The following ZNF280B variants were observed in gnomAD, a reference collection of about 807,000 sequenced individuals.
The protein encoded by ZNF280B is zinc finger protein 280B, also known as suppressor of hairy wing homolog 2.
Under a neutral mutation model 38.0 loss-of-function variants are expected in ZNF280B, and 16 were observed. The observed-to-expected ratio is 0.42, with a 90% CI of 0.28 to 0.64. The LOEUF (loss-of-function observed/expected upper bound fraction) is 0.64, where lower values mean the gene tolerates loss of function less well. Among genes scored for constraint, ZNF280B ranks in the 30% least tolerant of loss-of-function variants. ZNF280B has a pLI of 0.21. For missense variants in ZNF280B, 581 were observed against 639.6 expected, an observed-to-expected ratio of 0.91 and a Z score of 0.99; for synonymous variants, 253 against 230.6, an observed-to-expected ratio of 1.10 and a Z score of -0.88.
In ZNF280B at chr22:22,486,361, T is replaced by G. The variant is rs2061501387; in HGVS notation, c.*1406A>C. 1.4e-5 allele frequency: 2 copies of G among 147,408 alleles called. No individual in the cohort carries two copies. Among genetic ancestry groups the G allele is most frequent in the Non-Finnish European group, 2.9e-5 (2 of 68,004 alleles). 9.1% of individuals were successfully genotyped at this position (147,408 alleles called of 1,614,324 possible). A position where few individuals can be genotyped will look rare whatever the true frequency, so the allele number is the denominator to read the frequency against. On this transcript the variant is annotated 3_prime_UTR_variant, in exon 4 of 4. Coordinates refer to ENST00000626650, the MANE Select transcript of ZNF280B (RefSeq NM_080764.4). Reference sequence around the variant, plus strand: ...GACAGTCCTCATTCCAGCTTAACAGTGGGAAAACTAAATTTAGCCCAGTCC... The same window carrying G: ...GACAGTCCTCATTCCAGCTTAACAGGGGGAAAACTAAATTTAGCCCAGTCC...
In ZNF280B at chr22:22,487,447, T is replaced by TAAAAAAAAAAAAAAAAAAA. The variant is rs71199481; in HGVS notation, c.*301_*319dup. ...TAACAGTGAGACCCTGTCTCTAAAG[T>TAAAAAAAAAAAAAAAAAAA]AAAAAAAAAAAAAAAAAAAAAAAAA... On this transcript the variant is annotated 3_prime_UTR_variant, in exon 4 of 4. Coordinates refer to ENST00000626650, the MANE Select transcript of ZNF280B (RefSeq NM_080764.4). 10 of 66,744 alleles carry TAAAAAAAAAAAAAAAAAAA rather than the reference T, an allele frequency of 1.5e-4. No homozygotes were observed. The highest frequency in any genetic ancestry group is 3.8e-4 in the East Asian group (1 of 2,634). The allele number at this position is 66,744 out of a possible 1,614,324, so 4.1% of individuals were successfully genotyped here.
At chr22:22,507,909 T>G (rs1433339659) in intron 1 of ZNF280B, 39 bp from the exon 2 acceptor site, 2 of 151,956 alleles carry the variant, frequency 1.3e-5, no homozygotes, top group South Asian at 2.1e-4. Flanking sequence ...TACTTACATG[T>G]CACAAGAATA....
chr22:22,494,042 A>G (rs952108986), intron 3 of ZNF280B, 21 bp downstream of exon 3: 1 of 151,800 alleles, frequency 6.6e-6, no homozygotes, highest in East Asian at 2.0e-4. Context: ...TGGCGCCCTT[A>G]TAAGAGGAGA....
At chr22:22,501,680 T>A (rs2061828352) in intron 2 of ZNF280B, among the ~76,000 whole-genome samples, 1 of 151,406 alleles carries the variant, frequency 6.6e-6, no homozygotes, top group African/African-American at 2.4e-5. Context: ...GAGTTGAAGA[T>A]CAGTCCAAGC....
chr22:22,507,552 CTCT>C (rs2061964212), intron 2 of ZNF280B, among the ~76,000 whole-genome samples: 2 of 147,606 alleles, frequency 1.4e-5, no homozygotes, highest in Admixed American at 1.4e-4. Context: ...ATCCCTGATG[CTCT>C]TTTTTTTTTT....
rs2146748856 is a variant in ZNF280B at position 22,487,521 on chromosome 22, C to T, written c.*246G>A. The T allele has an allele frequency of 2.9e-6, 1 of 344,656 alleles. No homozygotes were observed. Among genetic ancestry groups the T allele is most frequent in the Non-Finnish European group, 5.1e-6 (1 of 194,936 alleles). The allele number at this position is 344,656 out of a possible 1,614,324, so 21.3% of individuals were successfully genotyped here. A position where few individuals can be genotyped will look rare whatever the true frequency, so the allele number is the denominator to read the frequency against. On this transcript the variant is annotated 3_prime_UTR_variant, in exon 4 of 4. Transcript: ENST00000626650. ...TTAATACCTTTTTCTCTCTCTCACA[C>T]ACACACACAAACACCTTTTATGTGT...
intron 3 of ZNF280B, among the ~76,000 whole-genome samples, chr22:22,492,872 C>A (rs1248442912): frequency 6.8e-6 from 1 of 146,594 alleles, no homozygotes; most frequent in Non-Finnish European, 1.5e-5. Context: ...GGTGACAGTG[C>A]GAGACTGCAT....
intron 2 of ZNF280B, among the ~76,000 whole-genome samples, chr22:22,502,787 T>C (rs1025589218): frequency 1.3e-4 from 19 of 151,678 alleles, no homozygotes; most frequent in Non-Finnish European, 1.8e-4. Context: ...GAAAGGAATA[T>C]AGCAGGTTTG....
chr22:22,507,513 TA>T (rs1027746968), intron 2 of ZNF280B, among the ~76,000 whole-genome samples: 6 of 151,536 alleles, frequency 4.0e-5, no homozygotes, highest in East Asian at 2.0e-4. Context: ...GAGGGTAGGA[TA>T]AAAGGAGTCA....
chr22:22,496,034 G>T (rs1047213540), intron 2 of ZNF280B, among the ~76,000 whole-genome samples: 1 of 150,020 alleles, frequency 6.7e-6, no homozygotes, highest in African/African-American at 2.5e-5. Flanking sequence ...TCGAACCCCT[G>T]ACCTCAGGTT....
At chr22:22,494,635 T>C (rs570023336) in intron 2 of ZNF280B, among the ~76,000 whole-genome samples, 8 of 152,066 alleles carry the variant, frequency 5.3e-5, no homozygotes, top group South Asian at 4.2e-4. Context: ...GAGAAGCCAA[T>C]AGGAGGGCTT....
At chr22:22,492,267 A>C (rs1335677245) in intron 3 of ZNF280B, among the ~76,000 whole-genome samples, 1 of 151,954 alleles carries the variant, frequency 6.6e-6, no homozygotes, top group African/African-American at 2.4e-5. Flanking sequence ...AAATTGGTTT[A>C]GTCTGTCTAT....
intron 2 of ZNF280B, among the ~76,000 whole-genome samples, chr22:22,501,029 A>AAAAAAC: frequency 9.0e-6 from 1 of 111,218 alleles, no homozygotes; most frequent in East Asian, 3.1e-4. Flanking sequence ...CAAAAAAAAA[A>AAAAAAC]AAAAAAAAAA....
chr22:22,502,546 T>C (rs1458608465), intron 2 of ZNF280B, among the ~76,000 whole-genome samples: 1 of 151,896 alleles, frequency 6.6e-6, no homozygotes, highest in East Asian at 2.0e-4. Context: ...AATTGATAAA[T>C]GAATAAACGA....
chr22:22,497,589 T>C (rs1011387258), intron 2 of ZNF280B, among the ~76,000 whole-genome samples: 6 of 151,760 alleles, frequency 4.0e-5, no homozygotes, highest in Non-Finnish European at 7.4e-5. Context: ...AGAGGGGTTG[T>C]GGAGGACCAC....
At chr22:22,494,316 A>G (rs1195922654) in intron 2 of ZNF280B, 136 bp from the exon 3 acceptor site, 2 of 151,996 alleles carry the variant, frequency 1.3e-5, no homozygotes, top group East Asian at 2.0e-4. Flanking sequence ...GCTGTTGTCC[A>G]TACTGATTAA....
At chr22:22,501,057 AC>A (rs1460265162) in intron 2 of ZNF280B, among the ~76,000 whole-genome samples, 2 of 148,568 alleles carry the variant, frequency 1.3e-5, no homozygotes, top group Admixed American at 6.7e-5. Flanking sequence ...AACCAAAAAA[AC>A]AAAAAACAGA....
chr22:22,498,951 T>A (rs940550196), intron 2 of ZNF280B, among the ~76,000 whole-genome samples: 1 of 150,888 alleles, frequency 6.6e-6, no homozygotes. Context: ...GAGCCCGCCA[T>A]CACGCCCAGC....
chr22:22,506,261 A>G (rs2330097), intron 2 of ZNF280B, among the ~76,000 whole-genome samples: 22,464 of 151,602 alleles, frequency 0.15, 1,941 homozygotes, highest in South Asian at 0.29. Context: ...TAAGCTCTGG[A>G]GCATTCCATT....
Sources: gnomAD v4.1 joint callset for allele counts (sites outside exome capture counted in the v4.1 genomes callset) on GRCh38, gnomAD v4.1.1 for gene constraint, MANE v1.5 for transcripts, NCBI Gene and HGNC (gene_info 2026-07-23, HGNC 2026-07-21) for gene names.